HEPHL1: variants seen among roughly 807,000 people sequenced by gnomAD.
HEPHL1 encodes hephaestin like 1.
HEPHL1 carries 123 observed loss-of-function variants against 122.0 expected under a neutral mutation model. That is an observed-to-expected ratio of 1.01 (90% CI 0.87 to 1.17). The LOEUF is 1.17. Ranked by LOEUF, HEPHL1 falls within the 50% of genes most tolerant of loss-of-function variation. HEPHL1 has a pLI of 0.00. For synonymous variants in HEPHL1, 527 were observed against 508.9 expected, an observed-to-expected ratio of 1.04 and a Z score of -0.48; for missense variants, 1,452 against 1,430.5, an observed-to-expected ratio of 1.01 and a Z score of -0.24.
At chr11:94,107,667 T>G (rs1238554115) in intron 17 of HEPHL1, among the ~76,000 whole-genome samples, 1 of 152,224 alleles carries the variant, frequency 6.6e-6, no homozygotes, top group African/African-American at 2.4e-5. Context: ...CTGGCTTGTT[T>G]GATTTAACAT....
chr11:94,111,895 AC>A lies in HEPHL1; in HGVS notation c.*3del. ...TGCTCTCCCCACGGATGCTCTGTGA[AC>A]CATCTGGTCTCCCTCAACAGGAAAG... On this transcript the variant is annotated 3_prime_UTR_variant, in exon 20 of 20. Transcript: ENST00000315765. 1 of 1,508,764 alleles carries A rather than the reference AC, an allele frequency of 6.6e-7. No individual in the cohort carries two copies. The highest frequency in any genetic ancestry group is 1.4e-5 in the South Asian group (1 of 73,118). 93.5% of individuals were successfully genotyped at this position (1,508,764 alleles called of 1,614,324 possible).
In HEPHL1 at chr11:94,043,739, G is replaced by A. The variant is rs533909606; in HGVS notation, c.171-1934G>A. 4.0e-5 allele frequency among the ~76,000 whole-genome samples: 6 copies of A among 151,682 alleles called. No homozygotes were observed. The South Asian group carries it at 6.3e-4, about 16-fold the overall frequency. On this transcript the variant is annotated intron_variant, in intron 1 of 19. Transcript: ENST00000315765. ...TTTCTTGAGTAACTCTTCATTGTTCGAGAGTATACTGAAGCATTACTTCCT... is the reference window on the plus strand; with the variant it reads ...TTTCTTGAGTAACTCTTCATTGTTCAAGAGTATACTGAAGCATTACTTCCT...
chr11:94,075,425 T>A (rs763996969), intron 9 of HEPHL1, 40 bp downstream of exon 9: 2 of 1,436,194 alleles, frequency 1.4e-6, no homozygotes, highest in South Asian at 2.3e-5. Context: ...CAGGGTTGTA[T>A]GTGGGAGAGA....
At position 94,073,177 on chromosome 11, in the gene HEPHL1, C is replaced by T; in HGVS notation, c.1372+13C>T. 6.2e-7 allele frequency: 1 copy of T among 1,612,756 alleles called. No homozygotes were observed. The highest frequency in any genetic ancestry group is 8.5e-7 in the Non-Finnish European group (1 of 1,179,282). On this transcript the variant is annotated intron_variant, in intron 7 of 19. Coordinates refer to ENST00000315765, the MANE Select transcript of HEPHL1 (RefSeq NM_001098672.2). ...CTTGGAATTCTTGGTACAGTAAAAC[C>T]ATCCCCCATGCATTGAACCCAGGGA...
chr11:94,028,202 T>C (rs1322703385), intron 1 of HEPHL1, among the ~76,000 whole-genome samples: 2 of 152,180 alleles, frequency 1.3e-5, no homozygotes, highest in Non-Finnish European at 2.9e-5. Context: ...AAATGCATGT[T>C]TTGCTTCCCA....
At chr11:94,084,732 A>T (rs1217364496) in intron 10 of HEPHL1, among the ~76,000 whole-genome samples, 1 of 152,222 alleles carries the variant, frequency 6.6e-6, no homozygotes, top group Non-Finnish European at 1.5e-5. Flanking sequence ...TTTCATTAAC[A>T]TTTGATGGAC....
intron 2 of HEPHL1, among the ~76,000 whole-genome samples, chr11:94,051,855 A>G (rs952891815): frequency 6.6e-6 from 1 of 152,102 alleles, no homozygotes; most frequent in Admixed American, 6.5e-5. Flanking sequence ...TCTTCTGCAT[A>G]TGGGTATCCA....
At chr11:94,077,149 G>A in intron 9 of HEPHL1, among the ~76,000 whole-genome samples, 1 of 152,104 alleles carries the variant, frequency 6.6e-6, no homozygotes, top group East Asian at 1.9e-4. Flanking sequence ...TTCAGTGTGT[G>A]TTTCCTAAAA....
chr11:94,021,551 AG>A lies in HEPHL1; in HGVS notation c.170+16del. On this transcript the variant is annotated intron_variant, in intron 1 of 19. Coordinates refer to ENST00000315765, the MANE Select transcript of HEPHL1 (RefSeq NM_001098672.2). The stretch of plus-strand genomic sequence containing the variant: ...TCACAGAAGACAAGTGAGTGAACTT[AG>A]GGTCCTCATTGACTCCCAGGTTTGG... 6.3e-7 allele frequency: 1 copy of A among 1,586,992 alleles called. No homozygotes were observed. Among genetic ancestry groups the A allele is most frequent in the Non-Finnish European group, 8.6e-7 (1 of 1,165,074 alleles).
intron 1 of HEPHL1, among the ~76,000 whole-genome samples, chr11:94,030,755 A>G (rs539193694): frequency 6.6e-6 from 1 of 152,346 alleles, no homozygotes; most frequent in East Asian, 1.9e-4. Context: ...CCCAACTTTT[A>G]TATCCCATTC....
At chr11:94,031,331 TACACACACACAC>T (rs3058474) in intron 1 of HEPHL1, among the ~76,000 whole-genome samples, 187 of 144,602 alleles carry the variant, frequency 1.3e-3, no homozygotes, top group African/African-American at 4.5e-3. Context: ...TGTGCATTGT[TACACACACACAC>T]ACACACACAC....
At chr11:94,036,786 C>G (rs1434947633) in intron 1 of HEPHL1, among the ~76,000 whole-genome samples, 1 of 149,468 alleles carries the variant, frequency 6.7e-6, no homozygotes, top group Non-Finnish European at 1.5e-5. Context: ...TTGCAGTGAG[C>G]CTAGATCGTG....
intron 2 of HEPHL1, among the ~76,000 whole-genome samples, chr11:94,054,407 GC>G (rs1400494284): frequency 2.0e-5 from 3 of 152,058 alleles, no homozygotes; most frequent in African/African-American, 7.2e-5. Flanking sequence ...CAACAATCAG[GC>G]CTACCCATTT....
At chr11:94,104,947 C>A (rs2134453543) in intron 16 of HEPHL1, among the ~76,000 whole-genome samples, 197 bp downstream of exon 16, 1 of 152,272 alleles carries the variant, frequency 6.6e-6, no homozygotes, top group East Asian at 1.9e-4. Flanking sequence ...GTCATTGAGG[C>A]TTTGTACTAA....
At chr11:94,101,057 G>A (rs7927016) in intron 13 of HEPHL1, 138 bp from the exon 14 acceptor site, 541,156 of 802,776 alleles carry the variant, frequency 0.67, 183,820 homozygotes, top group Admixed American at 0.77. Flanking sequence ...CTCTAAAGTG[G>A]AGTAGAGTTA....
chr11:94,034,594 G>A (rs527500905), intron 1 of HEPHL1, among the ~76,000 whole-genome samples: 4 of 152,336 alleles, frequency 2.6e-5, no homozygotes, highest in Admixed American at 2.6e-4. Context: ...ACAAAGGAAT[G>A]TGGCTGTAAA....
chr11:94,079,377 T>C (rs898135193), intron 9 of HEPHL1, among the ~76,000 whole-genome samples: 1 of 152,248 alleles, frequency 6.6e-6, no homozygotes, highest in Admixed American at 6.5e-5. Context: ...TTCCAATTTT[T>C]AATATTTTAT....
Position 94,111,983 on chromosome 11 carries a change from A to C in HEPHL1, c.*89A>C. 1 of 907,652 alleles carries C rather than the reference A, an allele frequency of 1.1e-6. No individual in the cohort carries two copies. The highest frequency in any genetic ancestry group is 1.6e-6 in the Non-Finnish European group (1 of 618,642). 56.2% of individuals were successfully genotyped at this position (907,652 alleles called of 1,614,324 possible). On this transcript the variant is annotated 3_prime_UTR_variant, in exon 20 of 20. Coordinates refer to ENST00000315765, the MANE Select transcript of HEPHL1 (RefSeq NM_001098672.2). ...GGGAAACTGGACCAAGGCATCACTC[A>C]CCAAGGAAGGTTGACACTGTATCCT...
intron 2 of HEPHL1, among the ~76,000 whole-genome samples, chr11:94,052,767 T>C (rs2134420132): frequency 6.6e-6 from 1 of 152,276 alleles, no homozygotes; most frequent in East Asian, 1.9e-4. Flanking sequence ...GATATATTGA[T>C]ATATATTGCA....
Sources: allele counts gnomAD v4.1 joint callset (sites outside exome capture counted in the v4.1 genomes callset), GRCh38; gene constraint gnomAD v4.1.1; transcripts MANE v1.5; gene names NCBI Gene and HGNC (gene_info 2026-07-23, HGNC 2026-07-21).